Variants in NCOA7 observed in about 807,000 individuals in gnomAD.
The protein encoded by NCOA7 is 140 kDa estrogen receptor-associated protein.
A neutral mutation model predicts 104.3 loss-of-function variants in NCOA7; 45 were observed. The ratio of observed to expected loss-of-function variants is 0.43; its 90% CI spans 0.34 to 0.55. The LOEUF (loss-of-function observed/expected upper bound fraction) is 0.55, where lower values mean the gene tolerates loss of function less well. Ranked by LOEUF, NCOA7 falls within the 20% of genes least tolerant of loss-of-function variation. The pLI is 0.02. For synonymous variants in NCOA7, 398 were observed against 402.3 expected, an observed-to-expected ratio of 0.99 and a Z score of 0.13; for missense variants, 1,041 against 1,119.7, an observed-to-expected ratio of 0.93 and a Z score of 1.00.
At chr6:125,835,473 A>G (rs1200174743) in intron 2 of NCOA7, among the ~76,000 whole-genome samples, 1 of 152,054 alleles carries the variant, frequency 6.6e-6, no homozygotes, top group Non-Finnish European at 1.5e-5. Context: ...TGGATTTGGG[A>G]CTCAAATAAT....
intron 13 of NCOA7, among the ~76,000 whole-genome samples, chr6:125,927,167 A>G (rs1249763763): frequency 6.6e-6 from 1 of 152,248 alleles, no homozygotes; most frequent in African/African-American, 2.4e-5. Flanking sequence ...GCATATTAAT[A>G]ACTCATTGTT....
intron 3 of NCOA7, among the ~76,000 whole-genome samples, chr6:125,861,440 T>C (rs1782042813): frequency 6.6e-6 from 1 of 152,180 alleles, no homozygotes; most frequent in Non-Finnish European, 1.5e-5. Flanking sequence ...ATAACATTGC[T>C]CTTCTGTTCA....
chr6:125,850,062 A>T (rs1399774896), intron 2 of NCOA7, among the ~76,000 whole-genome samples: 1 of 152,192 alleles, frequency 6.6e-6, no homozygotes, highest in Non-Finnish European at 1.5e-5. Context: ...ATAGATATTG[A>T]CGTAAAAACA....
At chr6:125,883,214 G>C (rs1055531060) in intron 7 of NCOA7, among the ~76,000 whole-genome samples, 2 of 152,108 alleles carry the variant, frequency 1.3e-5, no homozygotes, top group Non-Finnish European at 2.9e-5. Context: ...GGACTATCTT[G>C]ATAACCAGTG....
rs1355331017 is a variant in NCOA7, at chr6:125,890,633, G to T, written c.1928-9G>T. 6.3e-6 allele frequency: 10 copies of T among 1,596,540 alleles called. No homozygotes were observed. Among genetic ancestry groups the T allele is most frequent in the Admixed American group, 5.4e-5 (3 of 55,324 alleles). On this transcript the variant is annotated splice_polypyrimidine_tract_variant and intron_variant, in intron 9 of 15. Transcript: ENST00000392477. ...ATATTGAGGAACAGTTTTTTCGTGT[G>T]TGATTCAGATATACTTCCTTCAAAA... is the stretch of plus-strand genomic sequence containing the variant.
intron 2 of NCOA7, among the ~76,000 whole-genome samples, 181 bp downstream of exon 2, chr6:125,815,585 T>A (rs1000237031): frequency 5.3e-5 from 8 of 152,176 alleles, no homozygotes; most frequent in African/African-American, 1.4e-4. Context: ...AGTGTAACAT[T>A]TGGTTCTTCT....
At position 125,831,891 on chromosome 6, in the gene NCOA7, G is replaced by A. The variant is rs564366140; in HGVS notation, c.50+16487G>A. ...TTTGCTTTCGTTTGAGCTCTATTAT[G>A]TGCCTTCTCGCCATCCCCTATATGC... On this transcript the variant is annotated intron_variant, in intron 2 of 15. Transcript: ENST00000392477. Among the ~76,000 whole-genome samples, 6 of 152,240 alleles carry A rather than the reference G, an allele frequency of 3.9e-5. No individual in the cohort carries two copies. In the East Asian group the frequency reaches 9.6e-4, roughly 24 times the overall value.
chr6:125,881,229 A>T lies in NCOA7; in HGVS notation c.573+26A>T, dbSNP rs368756508. ...GTATGTATATTATGCACTGAAGTTC[A>T]TTTTTATTAAAGAGACTTCTTTTAA... On this transcript the variant is annotated intron_variant, in intron 6 of 15. Coordinates refer to ENST00000392477, the MANE Select transcript of NCOA7 (RefSeq NM_181782.5). The T allele has an allele frequency of 2.3e-4, 329 of 1,452,004 alleles. 1 individual carries two copies. In the African/African-American group the frequency reaches 3.9e-3, roughly 17 times the overall value. 89.9% of individuals were successfully genotyped at this position (1,452,004 alleles called of 1,614,324 possible).
chr6:125,839,588 C>T (rs986098778), intron 2 of NCOA7, among the ~76,000 whole-genome samples: 1 of 152,072 alleles, frequency 6.6e-6, no homozygotes, highest in African/African-American at 2.4e-5. Flanking sequence ...TGAGTCATCT[C>T]ATGAGAATAC....
intron 10 of NCOA7, among the ~76,000 whole-genome samples, chr6:125,909,210 A>T (rs144250850): frequency 6.6e-6 from 1 of 152,204 alleles, no homozygotes; most frequent in Admixed American, 6.5e-5. Context: ...GATAGAAAGA[A>T]CGCTGATTGC....
At chr6:125,863,952 T>TG (rs373687254) in intron 3 of NCOA7, among the ~76,000 whole-genome samples, 1 of 137,842 alleles carries the variant, frequency 7.3e-6, no homozygotes, top group Non-Finnish European at 1.5e-5. Context: ...ATATGAATTT[T>TG]GGGGGAACAT....
chr6:125,856,554 G>A (rs1313936628), intron 3 of NCOA7, among the ~76,000 whole-genome samples: 7 of 152,062 alleles, frequency 4.6e-5, no homozygotes, highest in African/African-American at 9.7e-5. Context: ...GGGTTTCACC[G>A]TGTTAGCCAG....
chr6:125,869,929 G>A lies in NCOA7; in HGVS notation c.272-4960G>A, dbSNP rs553754479. ...TAAATCTGTGTTTATGCTTTATTTCGAACCACAAATGTGTAGTAATTTGTT... is the reference window on the plus strand; with the variant it reads ...TAAATCTGTGTTTATGCTTTATTTCAAACCACAAATGTGTAGTAATTTGTT... On this transcript the variant is annotated intron_variant, in intron 3 of 15. Transcript: ENST00000392477. Among the ~76,000 whole-genome samples, 9 of 152,240 alleles carry A rather than the reference G, an allele frequency of 5.9e-5. No homozygotes were observed. The South Asian group carries it at 8.3e-4, about 14-fold the overall frequency.
At chr6:125,841,245 G>A (rs1449411211) in intron 2 of NCOA7, among the ~76,000 whole-genome samples, 1 of 152,004 alleles carries the variant, frequency 6.6e-6, no homozygotes, top group East Asian at 1.9e-4. Flanking sequence ...GGTTACAACT[G>A]CCTACAGGAT....
At chr6:125,857,321 T>C (rs1029550385) in intron 3 of NCOA7, among the ~76,000 whole-genome samples, 4 of 152,068 alleles carry the variant, frequency 2.6e-5, no homozygotes, top group Non-Finnish European at 5.9e-5. Flanking sequence ...CACTGCAACC[T>C]CCGACTTCAG....
chr6:125,923,804 G>A (rs1787790503), intron 13 of NCOA7, among the ~76,000 whole-genome samples: 1 of 152,166 alleles, frequency 6.6e-6, no homozygotes, highest in African/African-American at 2.4e-5. Flanking sequence ...TGTCCACGTT[G>A]TAATGAGCCA....
At chr6:125,926,608 T>C (rs1788061999) in intron 13 of NCOA7, among the ~76,000 whole-genome samples, 1 of 152,154 alleles carries the variant, frequency 6.6e-6, no homozygotes, top group Non-Finnish European at 1.5e-5. Context: ...TAGGGAAAGG[T>C]TTGGTAGCAA....
At chr6:125,852,824 A>G (rs938424038) in intron 2 of NCOA7, among the ~76,000 whole-genome samples, 8 of 152,164 alleles carry the variant, frequency 5.3e-5, no homozygotes, top group African/African-American at 1.9e-4. Context: ...GCTTTGTAGT[A>G]TAATTTGAAG....
chr6:125,928,959 GAAGA>G lies in NCOA7; in HGVS notation c.*195_*198del, dbSNP rs1788289502. 3.9e-6 allele frequency: 2 copies of G among 519,438 alleles called. No individual in the cohort carries two copies. The highest frequency in any genetic ancestry group is 3.1e-6 in the Non-Finnish European group (1 of 318,980). 32.2% of individuals were successfully genotyped at this position (519,438 alleles called of 1,614,324 possible). A position where few individuals can be genotyped will look rare whatever the true frequency, so the allele number is the denominator to read the frequency against. ...AAGGTCCATGTAGAGGGCAGACATT[GAAGA>G]AAGAAACTTAAAATCCAGGTTGTTG... On this transcript the variant is annotated 3_prime_UTR_variant, in exon 16 of 16. Coordinates refer to ENST00000392477, the MANE Select transcript of NCOA7 (RefSeq NM_181782.5).
Sources: gnomAD v4.1 joint callset for allele counts (sites outside exome capture counted in the v4.1 genomes callset) on GRCh38, gnomAD v4.1.1 for gene constraint, MANE v1.5 for transcripts, NCBI Gene and HGNC (gene_info 2026-07-23, HGNC 2026-07-21) for gene names.